The following RAI14 variants were observed in gnomAD, a reference collection of about 807,000 sequenced individuals.
RAI14 encodes the protein ankycorbin.
RAI14 carries 45 observed loss-of-function variants against 115.4 expected under a neutral mutation model. That is an observed-to-expected ratio of 0.39 (90% CI 0.31 to 0.50). The LOEUF (loss-of-function observed/expected upper bound fraction) is 0.50. Ranked by LOEUF, RAI14 falls within the 20% of genes least tolerant of loss-of-function variation. The pLI, the probability that RAI14 is intolerant of heterozygous loss-of-function variation, is 0.85. For missense variants in RAI14, 939 were observed against 1,131.2 expected, an observed-to-expected ratio of 0.83 and a Z score of 2.44; for synonymous variants, 371 against 415.4, an observed-to-expected ratio of 0.89 and a Z score of 1.30.
intron 1 of RAI14, among the ~76,000 whole-genome samples, chr5:34,684,138 C>T (rs145051529): frequency 2.0e-5 from 3 of 152,284 alleles, no homozygotes; most frequent in Non-Finnish European, 4.4e-5. Flanking sequence ...ACTTTGATTC[C>T]TCAAAAGGTG....
chr5:34,687,070 T>C, intron 2 of RAI14, 115 bp downstream of exon 2: 1 of 1,119,040 alleles, frequency 8.9e-7, no homozygotes, highest in South Asian at 1.5e-5. Flanking sequence ...GACACTCAAG[T>C]GCTCTTGGCC....
At chr5:34,769,092 C>G (rs1210067208) in intron 3 of RAI14, among the ~76,000 whole-genome samples, 2 of 151,914 alleles carry the variant, frequency 1.3e-5, no homozygotes, top group Non-Finnish European at 2.9e-5. Flanking sequence ...ACTGCTGATT[C>G]TATTAATTAG....
At chr5:34,758,172 ATC>A (rs1308169136) in intron 3 of RAI14, among the ~76,000 whole-genome samples, 1 of 152,212 alleles carries the variant, frequency 6.6e-6, no homozygotes, top group African/African-American at 2.4e-5. Flanking sequence ...CCAGATAGAC[ATC>A]TCACAGGAAC....
chr5:34,726,852 A>G (rs1174447184), intron 2 of RAI14, among the ~76,000 whole-genome samples: 1 of 152,216 alleles, frequency 6.6e-6, no homozygotes, highest in African/African-American at 2.4e-5. Context: ...CTGTGAATTC[A>G]TTAAACCTCT....
At chr5:34,743,943 A>G (rs1223606776) in intron 2 of RAI14, among the ~76,000 whole-genome samples, 1 of 152,250 alleles carries the variant, frequency 6.6e-6, no homozygotes, top group Admixed American at 6.5e-5. Flanking sequence ...GGGCATGATC[A>G]GGACAGGAGA....
At chr5:34,786,728 C>T (rs770377923) in intron 3 of RAI14, among the ~76,000 whole-genome samples, 12 of 152,106 alleles carry the variant, frequency 7.9e-5, no homozygotes, top group Non-Finnish European at 1.3e-4. Context: ...GTTTGAGCCT[C>T]CACGTTGGGC....
At chr5:34,753,049 CAT>C (rs71600955) in intron 2 of RAI14, among the ~76,000 whole-genome samples, 3,159 of 151,896 alleles carry the variant, frequency 0.021, 68 homozygotes, top group Non-Finnish European at 0.034. Flanking sequence ...ATTTTTTTAA[CAT>C]GTGAGGTTAA....
intron 2 of RAI14, among the ~76,000 whole-genome samples, chr5:34,696,967 C>G (rs1000749192): frequency 1.3e-5 from 2 of 151,682 alleles, no homozygotes; most frequent in Admixed American, 1.3e-4. Context: ...CCTATCTCTA[C>G]TAAAAATACA....
chr5:34,698,653 T>C (rs1739641006), intron 2 of RAI14, among the ~76,000 whole-genome samples: 1 of 151,990 alleles, frequency 6.6e-6, no homozygotes, highest in South Asian at 2.1e-4. Context: ...GTGAAGAGAC[T>C]CTAATGGAGA....
At chr5:34,825,217 A>G (rs577012579) in intron 15 of RAI14, among the ~76,000 whole-genome samples, 2 of 151,728 alleles carry the variant, frequency 1.3e-5, no homozygotes, top group African/African-American at 4.8e-5. Flanking sequence ...CAAGACTGTC[A>G]TGAGCCATAT....
chr5:34,730,704 C>G (rs1744068105), intron 2 of RAI14, among the ~76,000 whole-genome samples: 1 of 152,160 alleles, frequency 6.6e-6, no homozygotes, highest in African/African-American at 2.4e-5. Context: ...AAAACAGGGC[C>G]AGGCATGGTG....
intron 7 of RAI14, among the ~76,000 whole-genome samples, chr5:34,808,889 T>C (rs544442421): frequency 2.0e-5 from 3 of 152,306 alleles, no homozygotes; most frequent in Admixed American, 6.5e-5. Flanking sequence ...CCTCACGTGC[T>C]CAGTTCACAA....
At chr5:34,665,179 A>ATATATG (rs1159767130) in intron 1 of RAI14, among the ~76,000 whole-genome samples, 7 of 17,672 alleles carry the variant, frequency 4.0e-4, no homozygotes, top group African/African-American at 6.4e-4. Context: ...ATATACACAC[A>ATATATG]TATATATATG....
chr5:34,660,961 T>C (rs464634), intron 1 of RAI14, among the ~76,000 whole-genome samples: 53,259 of 151,774 alleles, frequency 0.35, 11,037 homozygotes, highest in South Asian at 0.6. Context: ...TCAGGTGTTA[T>C]GTTGAGACAC....
intron 2 of RAI14, among the ~76,000 whole-genome samples, chr5:34,697,870 A>C (rs576110525): frequency 1.6e-4 from 24 of 152,118 alleles, no homozygotes; most frequent in Non-Finnish European, 3.1e-4. Flanking sequence ...TCTGAGCAAA[A>C]CTTTAGAACA....
At chr5:34,719,584 C>T (rs1052218858) in intron 2 of RAI14, among the ~76,000 whole-genome samples, 2 of 152,202 alleles carry the variant, frequency 1.3e-5, no homozygotes, top group Non-Finnish European at 2.9e-5. Flanking sequence ...CCTTGCACTG[C>T]TCTTCCCTGA....
At chr5:34,799,759 C>T (rs1754039772) in intron 4 of RAI14, among the ~76,000 whole-genome samples, 1 of 146,136 alleles carries the variant, frequency 6.8e-6, no homozygotes, top group Non-Finnish European at 1.5e-5. Flanking sequence ...ACGATCTCGG[C>T]TCACTGCAAG....
intron 3 of RAI14, among the ~76,000 whole-genome samples, chr5:34,784,002 T>A (rs1345911179): frequency 6.6e-6 from 1 of 152,234 alleles, no homozygotes; most frequent in East Asian, 1.9e-4. Context: ...GGAACATGTG[T>A]GACATCCATT....
chr5:34,807,798 A>G lies in RAI14; in HGVS notation c.322-2A>G. 1.2e-6 allele frequency: 2 copies of G among 1,605,502 alleles called. No homozygotes were observed. The highest frequency in any genetic ancestry group is 1.7e-6 in the Non-Finnish European group (2 of 1,172,096). ...ATGGATGTATTTATTTTTGTCTTAT[A>G]GTCTAAATGCCCAGCCGAAAGTGTC... On this transcript the variant is annotated splice_acceptor_variant, in intron 5 of 17. Coordinates refer to ENST00000265109, the MANE Select transcript of RAI14 (RefSeq NM_015577.3). LOFTEE classifies it high-confidence loss of function.
Sources: allele counts gnomAD v4.1 joint callset (sites outside exome capture counted in the v4.1 genomes callset), GRCh38; gene constraint gnomAD v4.1.1; transcripts MANE v1.5; gene names NCBI Gene and HGNC (gene_info 2026-07-23, HGNC 2026-07-21).